VPS13D: variants seen among roughly 807,000 people sequenced by gnomAD.
VPS13D encodes vacuolar protein sorting 13 homolog D.
VPS13D carries 187 observed loss-of-function variants against 461.9 expected under a neutral mutation model. That is an observed-to-expected ratio of 0.40 (90% confidence interval 0.36 to 0.46). The LOEUF (loss-of-function observed/expected upper bound fraction) is 0.46. Among genes scored for constraint, VPS13D ranks in the 20% least tolerant of loss-of-function variants. The probability of loss-of-function intolerance (pLI) is 0.60; values close to 1 mark genes in which losing one functional copy is unlikely to be tolerated. For synonymous variants in VPS13D, 1,951 were observed against 1,986.3 expected, an observed-to-expected ratio of 0.98 and a Z score of 0.47; for missense variants, 4,711 against 5,364.9, an observed-to-expected ratio of 0.88 and a Z score of 3.81.
At chr1:12,244,710 G>T (rs1451043723) in intron 5 of VPS13D, 93 bp downstream of exon 5, 11 of 1,234,220 alleles carry the variant, frequency 8.9e-6, no homozygotes, top group Non-Finnish European at 1.3e-5. Context: ...TTTCTCGTGG[G>T]CTCAGCTGAT....
Position 12,510,636 on chromosome 1 carries a change from T to G in VPS13D, c.*1612T>G, listed in dbSNP as rs1204475260. 1.3e-5 allele frequency: 2 copies of G among 152,188 alleles called. No homozygotes were observed. The highest frequency in any genetic ancestry group is 2.9e-5 in the Non-Finnish European group (2 of 68,034). The allele number at this position is 152,188 out of a possible 1,614,324, so 9.4% of individuals were successfully genotyped here. A position where few individuals can be genotyped will look rare whatever the true frequency, so the allele number is the denominator to read the frequency against. ...CATAGTGTTCAAGGATCAGCTTTCT[T>G]GAACTCCGAGGCTTGGTTGCCTTTG... On this transcript the variant is annotated 3_prime_UTR_variant, in exon 70 of 70. Coordinates refer to ENST00000620676, the MANE Select transcript of VPS13D (RefSeq NM_015378.4).
At chr1:12,291,882 T>G (rs983827398) in intron 23 of VPS13D, among the ~76,000 whole-genome samples, 11 of 152,246 alleles carry the variant, frequency 7.2e-5, no homozygotes, top group Non-Finnish European at 1.2e-4. Flanking sequence ...TATGCATTTT[T>G]GTTTATAAAC....
chr1:12,384,900 T>C (rs1021291627), intron 58 of VPS13D, among the ~76,000 whole-genome samples: 8 of 152,168 alleles, frequency 5.3e-5, no homozygotes, highest in Non-Finnish European at 8.8e-5. Flanking sequence ...GGACTACAGG[T>C]GTGTGCCACT....
In VPS13D at chr1:12,436,691, G is replaced by A. The variant is rs147226309; in HGVS notation, c.12334-19307G>A. ...TTTTGTTTGTTTTTGTTTTTGAGAC[G>A]GAGGTTTGCTCTTGTTGCCCAGGCT... is the stretch of plus-strand genomic sequence containing the variant. On this transcript the variant is annotated intron_variant, in intron 65 of 69. Transcript: ENST00000620676. 2.4e-3 allele frequency among the ~76,000 whole-genome samples: 365 copies of A among 151,794 alleles called. 2 individuals are homozygous for A. Among genetic ancestry groups the A allele is most frequent in the African/African-American group, 8.3e-3 (342 of 41,382 alleles).
chr1:12,373,855 G>T lies in VPS13D; in HGVS notation c.10914G>T (p.Lys3638Asn), dbSNP rs1189555906. Residue 3638 changes from lysine to asparagine, a missense_variant, in exon 55 of 70, where the codon AAG becomes AAT. Transcript: ENST00000620676. ...AGACACAAAGAGTCATTTTAAAAAA[G>T]AAGGTAAGAGAGCTTACAATCAGAG... is the stretch of plus-strand genomic sequence containing the variant. The part of the protein sequence containing the change: ...SPKTQRVILK[K>N]KEPGKRSQLW... 1 of 1,601,856 alleles carries T rather than the reference G, an allele frequency of 6.2e-7. No individual in the cohort carries two copies.
chr1:12,345,743 A>G (rs1176514175), intron 43 of VPS13D, among the ~76,000 whole-genome samples: 1 of 152,254 alleles, frequency 6.6e-6, no homozygotes, highest in Admixed American at 6.5e-5. Context: ...TCACCTCTGT[A>G]GATCCATTTC....
At position 12,475,888 on chromosome 1, in the gene VPS13D, T is replaced by TA. The variant is rs371308041; in HGVS notation, c.12662+15505dup. 8.8e-3 allele frequency among the ~76,000 whole-genome samples: 1,247 copies of TA among 141,590 alleles called. 7 individuals are homozygous for TA. The highest frequency in any genetic ancestry group is 0.032 in the Middle Eastern group (9 of 284). The allele number at this position is 141,590 out of a possible 152,430, so 92.9% of individuals were successfully genotyped here. ...AGCTGATGGCCAAGAAATCAATGTT[T>TA]AAAAAAAAAAAAACAAAAAACAAAA... On this transcript the variant is annotated intron_variant, in intron 67 of 69. Coordinates refer to ENST00000620676, the MANE Select transcript of VPS13D (RefSeq NM_015378.4).
At position 12,355,890 on chromosome 1, in the gene VPS13D, C is replaced by T. The variant is rs369242579; in HGVS notation, c.9680-9C>T. The T allele has an allele frequency of 2.0e-6, 3 of 1,522,916 alleles. No homozygotes were observed. The highest frequency in any genetic ancestry group is 1.8e-6 in the Non-Finnish European group (2 of 1,130,060). 94.3% of individuals were successfully genotyped at this position (1,522,916 alleles called of 1,614,324 possible). ...AACTCTGAAAGTTAATAGTTTGTATCTTCTTTAGGGGTATCACTGGAGAAT... is the reference window on the plus strand; with the variant it reads ...AACTCTGAAAGTTAATAGTTTGTATTTTCTTTAGGGGTATCACTGGAGAAT... On this transcript the variant is annotated splice_polypyrimidine_tract_variant and intron_variant, in intron 47 of 69. Coordinates refer to ENST00000620676, the MANE Select transcript of VPS13D (RefSeq NM_015378.4).
At position 12,329,175 on chromosome 1, in the gene VPS13D, C is replaced by T. The variant is rs551420908; in HGVS notation, c.8198-654C>T. ...AACATGACTTCTCTAATCAGTCTGCCCTCTTATCATTTTTCAGGTAGAAAT... is the reference window on the plus strand; with the variant it reads ...AACATGACTTCTCTAATCAGTCTGCTCTCTTATCATTTTTCAGGTAGAAAT... On this transcript the variant is annotated intron_variant, in intron 36 of 69. Coordinates refer to ENST00000620676, the MANE Select transcript of VPS13D (RefSeq NM_015378.4). Among the ~76,000 whole-genome samples, 22 of 151,946 alleles carry T rather than the reference C, an allele frequency of 1.4e-4. No homozygotes were observed. The East Asian group carries it at 4.1e-3, about 28-fold the overall frequency.
chr1:12,359,099 T>C (rs941695528), intron 50 of VPS13D, among the ~76,000 whole-genome samples: 2 of 151,970 alleles, frequency 1.3e-5, no homozygotes, highest in African/African-American at 2.4e-5. Flanking sequence ...CACTTGGTGG[T>C]TGTAGTAATT....
intron 38 of VPS13D, among the ~76,000 whole-genome samples, chr1:12,334,711 G>A (rs556520386): frequency 5.1e-4 from 77 of 152,332 alleles, no homozygotes; most frequent in Non-Finnish European, 9.4e-4. Flanking sequence ...GTTACAGTGA[G>A]CTATGATTGT....
intron 25 of VPS13D, among the ~76,000 whole-genome samples, chr1:12,300,265 T>C (rs1642388158): frequency 6.8e-6 from 1 of 146,346 alleles, no homozygotes; most frequent in Non-Finnish European, 1.5e-5. Flanking sequence ...TGGAGTGCAG[T>C]GGCACTGTGT....
intron 65 of VPS13D, among the ~76,000 whole-genome samples, chr1:12,421,305 G>T (rs1644860896): frequency 6.6e-6 from 1 of 152,178 alleles, no homozygotes; most frequent in Non-Finnish European, 1.5e-5. Context: ...TCATGGCAAG[G>T]CAATCGCTTC....
chr1:12,327,062 T>C (rs1643209243), intron 35 of VPS13D, among the ~76,000 whole-genome samples: 1 of 152,234 alleles, frequency 6.6e-6, no homozygotes, highest in African/African-American at 2.4e-5. Context: ...CACTCCAGGC[T>C]TCACTCTGAG....
intron 2 of VPS13D, among the ~76,000 whole-genome samples, chr1:12,236,390 T>C (rs1175244782): frequency 5.9e-5 from 9 of 151,308 alleles, no homozygotes; most frequent in Non-Finnish European, 3.0e-5. Flanking sequence ...ATGTTCTTTC[T>C]TTTTTTTTGA....
chr1:12,476,158 A>G (rs1423254770), intron 67 of VPS13D, among the ~76,000 whole-genome samples: 1 of 152,168 alleles, frequency 6.6e-6, no homozygotes, highest in Non-Finnish European at 1.5e-5. Context: ...TGGTTTCTAC[A>G]TCTCATTTGT....
At chr1:12,391,741 G>A (rs888551379) in intron 60 of VPS13D, among the ~76,000 whole-genome samples, 19 of 152,058 alleles carry the variant, frequency 1.2e-4, no homozygotes, top group African/African-American at 4.1e-4. Context: ...CTTTCATTTG[G>A]GTAACTGTAA....
chr1:12,349,898 A>G (rs1028745890), intron 46 of VPS13D, among the ~76,000 whole-genome samples: 2 of 152,348 alleles, frequency 1.3e-5, no homozygotes, highest in East Asian at 1.9e-4. Context: ...CTGGATTGCT[A>G]TGTTACACCC....
rs1245355025 is a variant in VPS13D, at chr1:12,507,031, A to C, written c.12973A>C (p.Lys4325Gln). ...DHGKVYVQVT[K>Q]KAVSTSSGVS... ...TGGGAAGGTGTATGTGCAGGTGACC[A>C]AGAAAGCCGTGAGCACGAGCAGTGG... The change falls in exon 69 of 70, where the codon AAG becomes CAG. Residue 4325 changes from lysine to glutamine, a missense_variant. Physicochemically the swap from Lys to Gln is moderately conservative, Grantham distance 53 (BLOSUM62 1). Around this residue, in one of 3 missense-constraint regions of VPS13D, gnomAD observed 194 missense variants for 220.9 expected, o/e 0.88. Coordinates refer to ENST00000620676, the MANE Select transcript of VPS13D (RefSeq NM_015378.4). This position sits in a 1 kb window ranked among gnomAD's most constrained non-coding sequence, Gnocchi z 5.3. The C allele has an allele frequency of 6.2e-7, 1 of 1,614,248 alleles. No homozygotes were observed. Among genetic ancestry groups the C allele is most frequent in the East Asian group, 2.2e-5 (1 of 44,888 alleles).
Sources: gnomAD v4.1 joint callset for allele counts (sites outside exome capture counted in the v4.1 genomes callset) on GRCh38, gnomAD v4.1.1 for gene constraint, gnomAD v4.1.1 regional missense constraint, Gnocchi (gnomAD v3.1) non-coding constraint, MANE v1.5 for transcripts, NCBI Gene and HGNC (gene_info 2026-07-23, HGNC 2026-07-21) for gene names.